The following GATA3 variants were observed in gnomAD, a reference collection of about 807,000 sequenced individuals.
GATA3 encodes the protein GATA binding protein 3.
In GATA3, 6 loss-of-function variants were observed where a neutral mutation model predicts 36.0. The observed-to-expected ratio is 0.17, with a 90% CI of 0.09 to 0.33. The LOEUF (loss-of-function observed/expected upper bound fraction) is 0.33. Ranked by LOEUF, GATA3 falls within the 10% of genes least tolerant of loss-of-function variation. GATA3 has a pLI of 1.00. For missense variants in GATA3, 514 were observed against 610.1 expected, an observed-to-expected ratio of 0.84 and a Z score of 1.66; for synonymous variants, 326 against 273.0, an observed-to-expected ratio of 1.19 and a Z score of -1.92.
At chr10:8,049,699 C>G (rs1832438800), upstream of GATA3, among the ~76,000 whole-genome samples, 1 of 152,162 alleles carries the variant, frequency 6.6e-6, no homozygotes, top group South Asian at 2.1e-4. Context: ...AACCCTTGCG[C>G]GGCCAGGGTA....
chr10:8,067,633 AC>A (rs1459668978), intron 4 of GATA3, among the ~76,000 whole-genome samples: 2 of 152,080 alleles, frequency 1.3e-5, no homozygotes, highest in Admixed American at 6.6e-5. Context: ...CCTGGCTAAC[AC>A]AGGTGAAACC....
At position 8,058,708 on chromosome 10, in the gene GATA3, C is replaced by A. The variant is rs1162493902; in HGVS notation, c.645C>A (p.Thr215=). 4 of 1,612,842 alleles carry A rather than the reference C, an allele frequency of 2.5e-6. No homozygotes were observed. The highest frequency in any genetic ancestry group is 1.7e-5 in the Admixed American group (1 of 60,008). ...CCCTGGGTGGAGCCTCCTCGTCGAC[C>A]CACCACCCCATCACCACCTACCCGC... ...MTALGGASSS[T]HHPITTYPPY... Residue 215 remains threonine (T), a synonymous_variant, in exon 3 of 6, where the codon ACC becomes ACA. Transcript: ENST00000379328.
chr10:8,064,179 T>A lies in GATA3; in HGVS notation c.924+41T>A, dbSNP rs745998712. ...GGGATGGATTCCATGCTGACCATTC[T>A]GGGTTTCTCATTTCCTCTCTTCCGG... On this transcript the variant is annotated intron_variant, in intron 4 of 5. Transcript: ENST00000379328. 27 of 1,613,324 alleles carry A rather than the reference T, an allele frequency of 1.7e-5. No individual in the cohort carries two copies. In the Admixed American group the frequency reaches 3.2e-4, roughly 19 times the overall value.
At chr10:8,057,756 C>T (rs1554794635) in intron 2 of GATA3, among the ~76,000 whole-genome samples, 1 of 152,192 alleles carries the variant, frequency 6.6e-6, no homozygotes, top group Non-Finnish European at 1.5e-5. Flanking sequence ...GCCTCTCCTT[C>T]CTGTATTTGG....
chr10:8,058,198 GA>G lies in GATA3; in HGVS notation c.242-103del, dbSNP rs11567900. ...GTGGGCCTGAGCCCGGGCTTTTGCT[GA>G]AAAGGAGGCCGATGCGAGGTAGAGA... On this transcript the variant is annotated intron_variant, in intron 2 of 5. Transcript: ENST00000379328. 213 of 1,300,210 alleles carry G rather than the reference GA, an allele frequency of 1.6e-4. 2 individuals are homozygous for G. In the African/African-American group the frequency reaches 2.6e-3, roughly 16 times the overall value. The allele number at this position is 1,300,210 out of a possible 1,614,324, so 80.5% of individuals were successfully genotyped here. A position where few individuals can be genotyped will look rare whatever the true frequency, so the allele number is the denominator to read the frequency against.
chr10:8,058,036 C>T (rs1341241147), intron 2 of GATA3, among the ~76,000 whole-genome samples: 4 of 152,150 alleles, frequency 2.6e-5, no homozygotes, highest in East Asian at 3.9e-4. Flanking sequence ...AGCAACCTCT[C>T]GGGTGTCAGC....
chr10:8,069,657 G>A, intron 5 of GATA3, 59 bp downstream of exon 5: 1 of 1,593,794 alleles, frequency 6.3e-7, no homozygotes, highest in Non-Finnish European at 8.6e-7. Context: ...CCAGCAAACA[G>A]CGTCACCACC....
chr10:8,053,572 G>C (rs886614786), upstream of GATA3: 2 of 152,174 alleles, frequency 1.3e-5, no homozygotes, highest in Non-Finnish European at 2.9e-5. The surrounding 1 kb of genome is among the most constrained non-coding windows in gnomAD (Gnocchi z 5.1). Context: ...GTCCCTCCAG[G>C]CCCCGCCCCC....
At chr10:8,065,071 A>G (rs1177322377) in intron 4 of GATA3, among the ~76,000 whole-genome samples, 1 of 152,122 alleles carries the variant, frequency 6.6e-6, no homozygotes, top group Non-Finnish European at 1.5e-5. Flanking sequence ...ACATTCACCA[A>G]GTCGAGATGG....
At chr10:8,050,612 T>C (rs543197078), upstream of GATA3, 209 of 202,882 alleles carry the variant, frequency 1.0e-3, 2 homozygotes, top group African/African-American at 4.7e-3. Flanking sequence ...CCCCGCAGAT[T>C]CCCGGCTTCT....
At position 8,054,848 on chromosome 10, in the gene GATA3, C is replaced by G. The variant is rs540527013; in HGVS notation, c.-413C>G. 3.3e-5 allele frequency: 5 copies of G among 151,486 alleles called. No individual in the cohort carries two copies. Among genetic ancestry groups the G allele is most frequent in the Non-Finnish European group, 1.5e-5 (1 of 68,150 alleles). The allele number at this position is 151,486 out of a possible 1,614,324, so 9.4% of individuals were successfully genotyped here. A position where few individuals can be genotyped will look rare whatever the true frequency, so the allele number is the denominator to read the frequency against. ...AGCAACGCAATCTGACCGAGCAGGT[C>G]GTACGCCGCCGCCTCCTCCTCCTCT... On this transcript the variant is annotated 5_prime_UTR_variant, in exon 1 of 6. Coordinates refer to ENST00000379328, the MANE Select transcript of GATA3 (RefSeq NM_001002295.2). This position sits in a 1 kb window ranked among gnomAD's most constrained non-coding sequence, Gnocchi z 4.2.
upstream of GATA3, among the ~76,000 whole-genome samples, chr10:8,048,854 A>G (rs538346025): frequency 1.3e-5 from 2 of 151,316 alleles, no homozygotes; most frequent in South Asian, 4.2e-4. Context: ...CCCAATTTTT[A>G]TCTCGCTACA....
At position 8,055,276 on chromosome 10, in the gene GATA3, C is replaced by T. The variant is rs886047297; in HGVS notation, c.-369-11C>T. On this transcript the variant is annotated splice_polypyrimidine_tract_variant and intron_variant, in intron 1 of 5. Coordinates refer to ENST00000379328, the MANE Select transcript of GATA3 (RefSeq NM_001002295.2). The surrounding 1 kb of genome is among the most constrained non-coding windows in gnomAD (Gnocchi z 5.4). ...GGGGCTCATCCAGGTCTCCCATTCTCTCCCTTGCAGGTGACCCGAGGAGGG... is the reference window on the plus strand; with the variant it reads ...GGGGCTCATCCAGGTCTCCCATTCTTTCCCTTGCAGGTGACCCGAGGAGGG... The T allele has an allele frequency of 2.3e-5, 9 of 393,076 alleles. No individual in the cohort carries two copies. Among genetic ancestry groups the T allele is most frequent in the Middle Eastern group, 7.1e-4 (1 of 1,414 alleles). 24.3% of individuals were successfully genotyped at this position (393,076 alleles called of 1,614,324 possible). A position where few individuals can be genotyped will look rare whatever the true frequency, so the allele number is the denominator to read the frequency against.
At chr10:8,065,247 ACTTT>A (rs1479318456) in intron 4 of GATA3, among the ~76,000 whole-genome samples, 6 of 131,330 alleles carry the variant, frequency 4.6e-5, no homozygotes, top group Admixed American at 7.6e-5. Context: ...AGAAGGAAAA[ACTTT>A]CTTTTTTTTT....
At chr10:8,046,905 T>G (rs72782801) in intron 1 of GATA3, among the ~76,000 whole-genome samples, 7,360 of 152,090 alleles carry the variant, frequency 0.048, 188 homozygotes, top group Middle Eastern at 0.061. Context: ...CTTAAGTCCC[T>G]GGCCCAAGAA....
At chr10:8,045,731 C>CT (rs1832379310) in intron 1 of GATA3, among the ~76,000 whole-genome samples, 1 of 152,050 alleles carries the variant, frequency 6.6e-6, no homozygotes, top group African/African-American at 2.4e-5. Flanking sequence ...TGTGGATGTC[C>CT]TCGTTTGCAG....
chr10:8,073,376 C>G (rs1416882950), intron 5 of GATA3, among the ~76,000 whole-genome samples: 1 of 152,090 alleles, frequency 6.6e-6, no homozygotes, highest in Non-Finnish European at 1.5e-5. Context: ...TTTTCAAGTT[C>G]TGAAGCAGAT....
At chr10:8,057,153 A>G (rs1388795913) in intron 2 of GATA3, among the ~76,000 whole-genome samples, 1 of 151,966 alleles carries the variant, frequency 6.6e-6, no homozygotes, top group Non-Finnish European at 1.5e-5. Flanking sequence ...CATAATATGA[A>G]TCTTGACCCT....
chr10:8,052,771 A>C (rs954765708), upstream of GATA3: 8 of 152,110 alleles, frequency 5.3e-5, no homozygotes, highest in African/African-American at 1.9e-4. Flanking sequence ...CGCTGTGAGC[A>C]GGAGAAGATG....
Sources: allele counts gnomAD v4.1 joint callset (sites outside exome capture counted in the v4.1 genomes callset), GRCh38; gene constraint gnomAD v4.1.1; non-coding constraint Gnocchi (gnomAD v3.1); transcripts MANE v1.5; gene names NCBI Gene and HGNC (gene_info 2026-07-23, HGNC 2026-07-21).